Variants in SLC17A6 observed in about 807,000 individuals in gnomAD.
SLC17A6 encodes the protein vesicular glutamate transporter 2.
In SLC17A6, 35 loss-of-function variants were observed where a neutral mutation model predicts 67.1. The ratio of observed to expected loss-of-function variants is 0.52; its 90% CI spans 0.40 to 0.69. The LOEUF (loss-of-function observed/expected upper bound fraction) is 0.69. Ranked by LOEUF, SLC17A6 falls within the 30% of genes least tolerant of loss-of-function variation. The pLI, the probability that SLC17A6 is intolerant of heterozygous loss-of-function variation, is 0.00. For synonymous variants in SLC17A6, 285 were observed against 252.3 expected, an observed-to-expected ratio of 1.13 and a Z score of -1.23; for missense variants, 588 against 723.9, an observed-to-expected ratio of 0.81 and a Z score of 2.15.
At chr11:22,346,464 A>G (rs1343541667) in intron 3 of SLC17A6, among the ~76,000 whole-genome samples, 1 of 152,176 alleles carries the variant, frequency 6.6e-6, no homozygotes, top group Non-Finnish European at 1.5e-5. Flanking sequence ...GAGTAAACCC[A>G]GTCTCAGAGG....
At position 22,370,132 on chromosome 11, in the gene SLC17A6, T is replaced by C; in HGVS notation, c.985T>C (p.Leu329=). 6.2e-7 allele frequency: 1 copy of C among 1,612,362 alleles called. No individual in the cohort carries two copies. Among genetic ancestry groups the C allele is most frequent in the Non-Finnish European group, 8.5e-7 (1 of 1,179,142 alleles). ...CTGCAGAAGCTGGACTTTTTATTTATTGCTTATTAGTCAGCCAGCATATTT... is the reference window on the plus strand; with the variant it reads ...CTGCAGAAGCTGGACTTTTTATTTACTGCTTATTAGTCAGCCAGCATATTT... ...NFCRSWTFYL[L]LISQPAYFEE... is the part of the protein sequence containing the mutation. Residue 329 remains leucine (L), a synonymous_variant, in exon 8 of 12, where the codon TTG becomes CTG. Coordinates refer to ENST00000263160, the MANE Select transcript of SLC17A6 (RefSeq NM_020346.3).
At chr11:22,348,910 A>C (rs1855907404) in intron 3 of SLC17A6, among the ~76,000 whole-genome samples, 1 of 152,240 alleles carries the variant, frequency 6.6e-6, no homozygotes, top group Non-Finnish European at 1.5e-5. Context: ...TAAGCCCAGA[A>C]AGGAGCAATT....
rs147941887 is a variant in SLC17A6 at position 22,343,019 on chromosome 11, G to A, written c.340-228G>A. Reference sequence around the variant, plus strand: ...TGCCTGACAGTAGTCAGGGAGCAAAGCCAGTGCGCCTGGCCTCACTATTAA... The same window carrying A: ...TGCCTGACAGTAGTCAGGGAGCAAAACCAGTGCGCCTGGCCTCACTATTAA... On this transcript the variant is annotated intron_variant, in intron 2 of 11. Coordinates refer to ENST00000263160, the MANE Select transcript of SLC17A6 (RefSeq NM_020346.3). 6 of 602,442 alleles carry A rather than the reference G, an allele frequency of 1.0e-5. No individual in the cohort carries two copies. In the East Asian group the frequency reaches 2.0e-4, roughly 20 times the overall value. The allele number at this position is 602,442 out of a possible 1,614,324, so 37.3% of individuals were successfully genotyped here.
chr11:22,346,600 C>T (rs1224478070), intron 3 of SLC17A6, among the ~76,000 whole-genome samples: 1 of 151,732 alleles, frequency 6.6e-6, no homozygotes. Context: ...AAATTCCTTA[C>T]AAAATCTTTA....
intron 2 of SLC17A6, among the ~76,000 whole-genome samples, 189 bp downstream of exon 2, chr11:22,341,969 C>A (rs1031941638): frequency 6.6e-6 from 1 of 152,214 alleles, no homozygotes; most frequent in African/African-American, 2.4e-5. Flanking sequence ...GCTCTGCTGT[C>A]TGGGCCTCCC....
chr11:22,354,577 T>G (rs1564981333), intron 3 of SLC17A6, among the ~76,000 whole-genome samples: 1 of 152,194 alleles, frequency 6.6e-6, no homozygotes, highest in Non-Finnish European at 1.5e-5. Context: ...CATCCATCTT[T>G]CAATAAAATT....
chr11:22,339,662 T>C (rs1180014319), intron 1 of SLC17A6, among the ~76,000 whole-genome samples: 5 of 152,100 alleles, frequency 3.3e-5, no homozygotes, highest in African/African-American at 1.2e-4. Context: ...ATTTGGGAAA[T>C]TGAAGTCTCT....
At chr11:22,369,495 T>C (rs974863902) in intron 7 of SLC17A6, among the ~76,000 whole-genome samples, 13 of 151,986 alleles carry the variant, frequency 8.6e-5, no homozygotes, top group African/African-American at 3.1e-4. Flanking sequence ...ATCAAGATAA[T>C]TTATGATTGA....
In SLC17A6 at chr11:22,359,396, C is replaced by A; in HGVS notation, c.459-17C>A. On this transcript the variant is annotated splice_polypyrimidine_tract_variant and intron_variant, in intron 3 of 11. Coordinates refer to ENST00000263160, the MANE Select transcript of SLC17A6 (RefSeq NM_020346.3). ...TGCTGAATCATTTAAACAGTGTTCT[C>A]ATCTTTTCTATTTCAGGGTTTTCGG... is the stretch of plus-strand genomic sequence containing the variant. 6.6e-7 allele frequency: 1 copy of A among 1,505,172 alleles called. No homozygotes were observed. Among genetic ancestry groups the A allele is most frequent in the Non-Finnish European group, 9.1e-7 (1 of 1,104,348 alleles). 93.2% of individuals were successfully genotyped at this position (1,505,172 alleles called of 1,614,324 possible).
rs542045705 is a variant in SLC17A6, at chr11:22,372,379, T to C, written c.1041+2191T>C. On this transcript the variant is annotated intron_variant, in intron 8 of 11. Transcript: ENST00000263160. ...TTTTTAAAACAAGTATATATATATATACACACATACACATATATATATATA... is the reference window on the plus strand; with the variant it reads ...TTTTTAAAACAAGTATATATATATACACACACATACACATATATATATATA... 1.7e-4 allele frequency among the ~76,000 whole-genome samples: 26 copies of C among 150,258 alleles called. No homozygotes were observed. In the East Asian group the frequency reaches 2.3e-3, roughly 14 times the overall value.
chr11:22,365,333 T>G (rs1393387118), intron 6 of SLC17A6, among the ~76,000 whole-genome samples: 1 of 152,200 alleles, frequency 6.6e-6, no homozygotes, highest in South Asian at 2.1e-4. Flanking sequence ...TGCTATTTCA[T>G]AGAGACAAGG....
intron 3 of SLC17A6, among the ~76,000 whole-genome samples, chr11:22,353,614 A>T (rs35334876): frequency 0.099 from 15,036 of 152,224 alleles, 812 homozygotes; most frequent in South Asian, 0.12. Flanking sequence ...TGCTCAGTCA[A>T]TTTGGTCAAT....
chr11:22,342,845 C>A, intron 2 of SLC17A6: 1 of 398,658 alleles, frequency 2.5e-6, no homozygotes, highest in African/African-American at 2.1e-5. Context: ...GGTTGGAAGT[C>A]ACTACACTAC....
chr11:22,352,152 G>A (rs542147366), intron 3 of SLC17A6, among the ~76,000 whole-genome samples: 1 of 146,852 alleles, frequency 6.8e-6, no homozygotes, highest in South Asian at 2.3e-4. Flanking sequence ...AGAGGCTGAT[G>A]AGGATCTAGT....
chr11:22,345,740 G>A (rs1562445), intron 3 of SLC17A6, among the ~76,000 whole-genome samples: 32,089 of 151,974 alleles, frequency 0.21, 3,560 homozygotes, highest in Middle Eastern at 0.24. Context: ...ATTGCAAAAT[G>A]CAGTTGAAGC....
intron 3 of SLC17A6, among the ~76,000 whole-genome samples, chr11:22,354,843 A>G (rs149970609): frequency 2.3e-4 from 35 of 152,354 alleles, no homozygotes; most frequent in African/African-American, 7.5e-4. Flanking sequence ...GTTGTTCAGT[A>G]AAAATGAGAA....
chr11:22,372,739 C>T (rs571924807), intron 8 of SLC17A6, among the ~76,000 whole-genome samples: 15 of 152,200 alleles, frequency 9.9e-5, no homozygotes, highest in Admixed American at 8.5e-4. Flanking sequence ...CAATTATAAG[C>T]TCAAAAACAT....
intron 3 of SLC17A6, among the ~76,000 whole-genome samples, chr11:22,344,938 T>C (rs1333991191): frequency 3.3e-5 from 5 of 152,072 alleles, no homozygotes; most frequent in Non-Finnish European, 4.4e-5. Flanking sequence ...TTCAGAAAGA[T>C]ACCCTAAACA....
In SLC17A6 at chr11:22,341,610, G is replaced by A. The variant is rs145687206; in HGVS notation, c.169G>A (p.Ala57Thr). 4 of 1,614,074 alleles carry A rather than the reference G, an allele frequency of 2.5e-6. No homozygotes were observed. Among genetic ancestry groups the A allele is most frequent in the Middle Eastern group, 1.7e-4 (1 of 6,052 alleles). The part of the protein sequence containing the change: ...GKPLEVPERK[A>T]PLCDCTCFGL... The stretch of plus-strand genomic sequence containing the variant: ...GCCCCTAGAGGTGCCCGAGAGGAAG[G>A]CGCCGCTGTGCGACTGCACGTGCTT... The change falls in exon 2 of 12, where the codon GCG becomes ACG. Residue 57 changes from alanine (A) to threonine (T), a missense_variant. Physicochemically the swap from Ala to Thr is moderately conservative, Grantham distance 58. Around this residue, in one of 4 missense-constraint regions of SLC17A6, gnomAD observed 117 missense variants for 98.7 expected, o/e 1.19. Transcript: ENST00000263160.
Sources: allele counts gnomAD v4.1 joint callset (sites outside exome capture counted in the v4.1 genomes callset), GRCh38; gene constraint gnomAD v4.1.1; regional missense constraint gnomAD v4.1.1; transcripts MANE v1.5; gene names NCBI Gene and HGNC (gene_info 2026-07-23, HGNC 2026-07-21).